The following AFP variants were observed in gnomAD, a reference collection of about 807,000 sequenced individuals.
The protein encoded by AFP is alpha fetoprotein.
Under a neutral mutation model 78.9 loss-of-function variants are expected in AFP, and 64 were observed. The observed-to-expected ratio is 0.81, with a 90% confidence interval of 0.66 to 1.00. AFP has a LOEUF of 1.00. Among genes scored for constraint, AFP ranks in the 50% least tolerant of loss-of-function variants. AFP has a pLI of 0.00. For missense variants in AFP, 689 were observed against 703.8 expected, an observed-to-expected ratio of 0.98 and a Z score of 0.24; for synonymous variants, 254 against 243.8, an observed-to-expected ratio of 1.04 and a Z score of -0.39.
chr4:73,447,317 C>G, intron 7 of AFP, 145 bp from the exon 8 acceptor site: 4 of 395,252 alleles, frequency 1.0e-5, no homozygotes. Context: ...TTTCCCTTTC[C>G]CCTTCCTTCT....
intron 8 of AFP, among the ~76,000 whole-genome samples, chr4:73,448,289 T>A (rs1418248241): frequency 6.6e-6 from 1 of 152,134 alleles, no homozygotes; most frequent in Non-Finnish European, 1.5e-5. Flanking sequence ...AAGAAAGCAA[T>A]CAAGTTAATA....
At chr4:73,446,595 G>A (rs536392979) in intron 7 of AFP, among the ~76,000 whole-genome samples, 2 of 149,346 alleles carry the variant, frequency 1.3e-5, no homozygotes, top group African/African-American at 5.0e-5. Context: ...TTCTGATAAA[G>A]ATGATTATCA....
At chr4:73,451,183 C>T (rs1316300581) in intron 11 of AFP, among the ~76,000 whole-genome samples, 1 of 152,090 alleles carries the variant, frequency 6.6e-6, no homozygotes, top group Non-Finnish European at 1.5e-5. Context: ...TATATTTTCA[C>T]CTTTTGTAAC....
Position 73,440,783 on chromosome 4 carries a change from A to T in AFP, c.452A>T (p.Tyr151Phe), listed in dbSNP as rs1301355128. Residue 151 changes from tyrosine to phenylalanine, a missense_variant, in exon 4 of 15, where the codon TAT (tyrosine) becomes TTT (phenylalanine). By Grantham distance (22) the Tyr-to-Phe change is conservative. Transcript: ENST00000395792. ...GAACCTGTCACAAGCTGTGAAGCAT[A>T]TGAAGAAGACAGGGAGACATTCATG... ...VPEPVTSCEA[Y>F]EEDRETFMNK... 6.2e-7 allele frequency: 1 copy of T among 1,614,160 alleles called. No homozygotes were observed. The highest frequency in any genetic ancestry group is 2.2e-5 in the East Asian group (1 of 44,870).
rs1376999630 is a variant in AFP at position 73,449,379 on chromosome 4, C to T, written c.1103C>T (p.Ser368Leu). 4.3e-6 allele frequency: 7 copies of T among 1,613,224 alleles called. No homozygotes were observed. The highest frequency in any genetic ancestry group is 5.1e-6 in the Non-Finnish European group (6 of 1,179,516). The change falls in exon 9 of 15, where the codon TCA becomes TTA. Residue 368 changes from serine (S) to leucine (L), a missense_variant. By Grantham distance (145) the Ser-to-Leu change is moderately radical. Transcript: ENST00000395792. ...AGAAGACATCCTCAGCTTGCTGTCT[C>T]AGTAATTCTAAGAGTTGCTAAAGGA... ...YSRRHPQLAV[S>L]VILRVAKGYQ...
chr4:73,436,390 A>AT, intron 1 of AFP, 43 bp downstream of exon 1: 2 of 1,131,740 alleles, frequency 1.8e-6, no homozygotes, highest in Non-Finnish European at 2.5e-6. Flanking sequence ...CTATATCAAA[A>AT]TTTTTTAAAT....
Position 73,440,779 on chromosome 4 carries a change from G to T in AFP, c.448G>T (p.Ala150Ser). 6.2e-7 allele frequency: 1 copy of T among 1,614,118 alleles called. No individual in the cohort carries two copies. Among genetic ancestry groups the T allele is most frequent in the Middle Eastern group, 1.7e-4 (1 of 6,060 alleles). ...TCCAGAACCTGTCACAAGCTGTGAA[G>T]CATATGAAGAAGACAGGGAGACATT... ...QVPEPVTSCE[A>S]YEEDRETFMN... Residue 150 changes from alanine to serine, a missense_variant, in exon 4 of 15, where the codon GCA becomes TCA. Coordinates refer to ENST00000395792, the MANE Select transcript of AFP (RefSeq NM_001134.3).
intron 2 of AFP, among the ~76,000 whole-genome samples, chr4:73,437,657 T>A (rs1360817554): frequency 6.6e-6 from 1 of 152,072 alleles, no homozygotes; most frequent in Non-Finnish European, 1.5e-5. Context: ...ATTCCACATT[T>A]TAAAAATTTC....
At chr4:73,437,799 T>C (rs781313975) in intron 2 of AFP, among the ~76,000 whole-genome samples, 2 of 152,054 alleles carry the variant, frequency 1.3e-5, no homozygotes, top group Non-Finnish European at 2.9e-5. Flanking sequence ...GAATAGACAC[T>C]GTTAGAGGTC....
intron 1 of AFP, 98 bp from the exon 2 acceptor site, chr4:73,437,062 T>C (rs1221909521): frequency 5.4e-6 from 5 of 928,658 alleles, no homozygotes; most frequent in Admixed American, 3.8e-5. Flanking sequence ...TCTGAAACTG[T>C]ACAGTTCTAA....
At chr4:73,450,863 T>C (rs1719972708) in intron 11 of AFP, 110 bp downstream of exon 11, 16 of 1,566,656 alleles carry the variant, frequency 1.0e-5, no homozygotes, top group Non-Finnish European at 1.4e-5. Flanking sequence ...GAGATGGCCT[T>C]AGGAGGCTTG....
chr4:73,443,196 C>G (rs1160460201), intron 5 of AFP, 151 bp from the exon 6 acceptor site: 1 of 692,284 alleles, frequency 1.4e-6, no homozygotes, highest in East Asian at 2.7e-5. Context: ...CAATAATATT[C>G]TGCGATAATG....
chr4:73,447,570 G>A lies in AFP; in HGVS notation c.952G>A (p.Glu318Lys), dbSNP rs1719868694. Residue 318 changes from glutamate to lysine, a missense_variant, in exon 8 of 15, where the codon GAA becomes AAA. Physicochemically the swap from Glu to Lys is moderately conservative, Grantham distance 56. Transcript: ENST00000395792. ...LERGQCIIHA[E>K]NDEKPEGLSP... is the part of the protein sequence containing the mutation. Reference sequence around the variant, plus strand: ...ACGTGGTCAATGTATAATTCATGCAGAAAATGATGAAAAACCTGAAGGTCT... The same window carrying A: ...ACGTGGTCAATGTATAATTCATGCAAAAAATGATGAAAAACCTGAAGGTCT... The A allele has an allele frequency of 1.9e-6, 3 of 1,612,544 alleles. No homozygotes were observed. The highest frequency in any genetic ancestry group is 2.7e-5 in the African/African-American group (2 of 74,974).
intron 7 of AFP, among the ~76,000 whole-genome samples, chr4:73,446,212 T>C (rs1433753376): frequency 6.6e-6 from 1 of 152,204 alleles, no homozygotes; most frequent in African/African-American, 2.4e-5. Flanking sequence ...TACTTGTTTT[T>C]CTTCTAAAAA....
chr4:73,438,401 T>A (rs6446932), intron 3 of AFP, 95 bp downstream of exon 3: 1,401,934 of 1,406,278 alleles, frequency 1, 698,906 homozygotes, highest in East Asian at 1. Flanking sequence ...AATGCATTTA[T>A]ATATTTGAAG....
intron 1 of AFP, among the ~76,000 whole-genome samples, chr4:73,436,645 T>C (rs1453423582): frequency 5.9e-5 from 9 of 151,586 alleles, no homozygotes; most frequent in Non-Finnish European, 1.0e-4. Context: ...TATATGTACA[T>C]ATATATGAAT....
chr4:73,450,833 A>C, intron 11 of AFP, 80 bp downstream of exon 11: 1 of 1,608,206 alleles, frequency 6.2e-7, no homozygotes, highest in Non-Finnish European at 8.5e-7. Context: ...CCTCTAGGGA[A>C]GACGGTAAAA....
Position 73,436,237 on chromosome 4 carries a change from T to C in AFP, c.-26T>C. The C allele has an allele frequency of 6.8e-7, 1 of 1,479,114 alleles. No homozygotes were observed. The allele number at this position is 1,479,114 out of a possible 1,614,324, so 91.6% of individuals were successfully genotyped here. A position where few individuals can be genotyped will look rare whatever the true frequency, so the allele number is the denominator to read the frequency against. ...ATTTTCCATATTGTGCTTCCACCAC[T>C]GCCAATAACAAAATAACTAGCAACC... is the stretch of plus-strand genomic sequence containing the variant. On this transcript the variant is annotated 5_prime_UTR_variant, in exon 1 of 15. Transcript: ENST00000395792.
chr4:73,449,003 A>G (rs932884925), intron 8 of AFP, among the ~76,000 whole-genome samples: 5 of 152,156 alleles, frequency 3.3e-5, no homozygotes, highest in African/African-American at 1.2e-4. Flanking sequence ...TATCTTAGAC[A>G]TCATTGAGTC....
Sources: allele counts gnomAD v4.1 joint callset (sites outside exome capture counted in the v4.1 genomes callset), GRCh38; gene constraint gnomAD v4.1.1; transcripts MANE v1.5; gene names NCBI Gene and HGNC (gene_info 2026-07-23, HGNC 2026-07-21).